Variants in ATP11A observed in about 807,000 individuals in gnomAD.
The protein encoded by ATP11A is ATPase phospholipid transporting 11A.
A neutral mutation model predicts 154.4 loss-of-function variants in ATP11A; 81 were observed. That is an observed-to-expected ratio of 0.52 (90% CI 0.44 to 0.63). The LOEUF (loss-of-function observed/expected upper bound fraction) is 0.63. Among genes scored for constraint, ATP11A ranks in the 30% least tolerant of loss-of-function variants. The pLI, the probability that ATP11A is intolerant of heterozygous loss-of-function variation, is 0.00. For missense variants in ATP11A, 1,316 were observed against 1,474.3 expected (o/e 0.89, Z 1.76); for synonymous variants, 623 against 585.9 (o/e 1.06, Z -0.91).
chr13:112,711,839 C>T (rs1346628862), intron 1 of ATP11A, among the ~76,000 whole-genome samples: 5 of 152,224 alleles, frequency 3.3e-5, no homozygotes, highest in Non-Finnish European at 5.9e-5. Context: ...CAAGGCTCCA[C>T]GCCCTCTCCC....
intron 1 of ATP11A, among the ~76,000 whole-genome samples, chr13:112,775,572 T>C (rs932705656): frequency 2.0e-5 from 3 of 152,258 alleles, no homozygotes; most frequent in African/African-American, 4.8e-5. Flanking sequence ...AAATGACTTA[T>C]ATAAAAATCT....
intron 1 of ATP11A, among the ~76,000 whole-genome samples, chr13:112,782,424 A>G (rs1471807445): frequency 6.6e-6 from 1 of 152,166 alleles, no homozygotes; most frequent in Non-Finnish European, 1.5e-5. Context: ...AGATATCTGT[A>G]TGCTTTTCTC....
At position 112,884,835 on chromosome 13, in the gene ATP11A, G is replaced by T. The variant is rs909746347; in HGVS notation, c.*2969G>T. The T allele has an allele frequency of 6.7e-6, 1 of 149,598 alleles. No individual in the cohort carries two copies. The highest frequency in any genetic ancestry group is 1.5e-5 in the Non-Finnish European group (1 of 67,412). 9.3% of individuals were successfully genotyped at this position (149,598 alleles called of 1,614,324 possible). A position where few individuals can be genotyped will look rare whatever the true frequency, so the allele number is the denominator to read the frequency against. The stretch of plus-strand genomic sequence containing the variant: ...CCCTGCCACAGACCGTCTCAGACAC[G>T]CACAGTGGGCCTGCTGCATGATTCA... On this transcript the variant is annotated 3_prime_UTR_variant, in exon 30 of 30. Transcript: ENST00000375645.
chr13:112,728,941 G>T (rs1338662393), intron 1 of ATP11A, among the ~76,000 whole-genome samples: 1 of 152,158 alleles, frequency 6.6e-6, no homozygotes, highest in Non-Finnish European at 1.5e-5. Context: ...AAACTCCACC[G>T]TGGCCCTGGT....
chr13:112,765,995 G>T (rs559014606), intron 1 of ATP11A, among the ~76,000 whole-genome samples: 1 of 152,246 alleles, frequency 6.6e-6, no homozygotes, highest in Non-Finnish European at 1.5e-5. Flanking sequence ...TTTAGTTCAC[G>T]AGTGTGGATT....
chr13:112,867,982 A>G (rs1458933770), intron 25 of ATP11A, among the ~76,000 whole-genome samples: 1 of 152,250 alleles, frequency 6.6e-6, no homozygotes. Context: ...ATATCTATAG[A>G]TCCTGTGTAG....
At chr13:112,792,473 T>C (rs1269127457) in intron 2 of ATP11A, among the ~76,000 whole-genome samples, 2 of 152,220 alleles carry the variant, frequency 1.3e-5, no homozygotes, top group Non-Finnish European at 2.9e-5. Context: ...TAAGACTTTT[T>C]AAGTGCCACA....
At chr13:112,835,230 T>TA (rs1221450257) in intron 15 of ATP11A, among the ~76,000 whole-genome samples, 2 of 152,222 alleles carry the variant, frequency 1.3e-5, no homozygotes, top group Non-Finnish European at 1.5e-5. Flanking sequence ...GTCCCTGAGA[T>TA]AAGTGACCCA....
chr13:112,768,799 G>A (rs1454148636), intron 1 of ATP11A, among the ~76,000 whole-genome samples: 2 of 152,170 alleles, frequency 1.3e-5, no homozygotes, highest in African/African-American at 4.8e-5. Context: ...TTTTCCGGTG[G>A]CTTGGGAAGA....
intron 1 of ATP11A, among the ~76,000 whole-genome samples, chr13:112,695,509 G>A (rs1292692324): frequency 1.3e-5 from 2 of 152,150 alleles, no homozygotes; most frequent in Non-Finnish European, 2.9e-5. Context: ...TTGAATATCT[G>A]CTTATTAGGA....
intron 1 of ATP11A, among the ~76,000 whole-genome samples, chr13:112,771,625 C>T (rs2077227522): frequency 6.6e-6 from 1 of 152,202 alleles, no homozygotes; most frequent in African/African-American, 2.4e-5. Context: ...ATAACCAGGT[C>T]CACATGCACT....
chr13:112,842,202 A>G, intron 16 of ATP11A, 74 bp from the exon 17 acceptor site: 1 of 1,237,530 alleles, frequency 8.1e-7, no homozygotes, highest in Non-Finnish European at 1.2e-6. Context: ...GTTTTTTAAT[A>G]ATGGCATAAT....
rs1008483181 is a variant in ATP11A at position 112,882,982 on chromosome 13, G to A, written c.*1116G>A. 21 of 399,216 alleles carry A rather than the reference G, an allele frequency of 5.3e-5. No homozygotes were observed. Among genetic ancestry groups the A allele is most frequent in the Non-Finnish European group, 8.4e-5 (19 of 226,572 alleles). The allele number at this position is 399,216 out of a possible 1,614,324, so 24.7% of individuals were successfully genotyped here. ...CGCCTCCCGCACTGCAGCTCCGCCC[G>A]CCGGGCTCTGCGTCCCCACGTCCCC... On this transcript the variant is annotated 3_prime_UTR_variant, in exon 30 of 30. Transcript: ENST00000375645. The surrounding 1 kb of genome is among the most constrained non-coding windows in gnomAD (Gnocchi z 5.1).
intron 1 of ATP11A, among the ~76,000 whole-genome samples, chr13:112,780,320 A>C (rs1259879584): frequency 6.6e-6 from 1 of 152,106 alleles, no homozygotes; most frequent in African/African-American, 2.4e-5. Flanking sequence ...CCGCCCTCCA[A>C]CCCAGAAGGT....
chr13:112,861,979 A>ATAAGGTGTCACGTCAGGCG (rs1462795166), intron 24 of ATP11A, among the ~76,000 whole-genome samples: 1 of 81,230 alleles, frequency 1.2e-5, no homozygotes, highest in African/African-American at 3.6e-5. Flanking sequence ...TTGAACAGGC[A>ATAAGGTGTCACGTCAGGCG]TAAGGTGTCA....
At chr13:112,788,574 C>T (rs942152094) in intron 2 of ATP11A, among the ~76,000 whole-genome samples, 4 of 150,836 alleles carry the variant, frequency 2.7e-5, no homozygotes, top group Admixed American at 6.6e-5. Flanking sequence ...TTAATTCACA[C>T]CTGTGTCCTG....
rs1348962272 is a variant in ATP11A, at chr13:112,873,696, C to T, written c.3161+20C>T. 6.4e-7 allele frequency: 1 copy of T among 1,570,574 alleles called. No homozygotes were observed. Among genetic ancestry groups the T allele is most frequent in the Non-Finnish European group, 8.8e-7 (1 of 1,141,096 alleles). ...GATCTGGTAAATATCTGATAAGTAG[C>T]TGATAATCTGATAAATATCATGTGG... is the stretch of plus-strand genomic sequence containing the variant. On this transcript the variant is annotated intron_variant, in intron 27 of 29. Coordinates refer to ENST00000375645, the MANE Select transcript of ATP11A (RefSeq NM_015205.3).
chr13:112,769,111 G>C (rs2077166307), intron 1 of ATP11A, among the ~76,000 whole-genome samples: 1 of 152,160 alleles, frequency 6.6e-6, no homozygotes, highest in Non-Finnish European at 1.5e-5. Flanking sequence ...AGCAATGACA[G>C]GGCCCCATGG....
rs2080607515 is a variant in ATP11A, at chr13:112,873,430, T to G, written c.3058-143T>G. The G allele has an allele frequency of 1.2e-5, 7 of 600,012 alleles. No individual in the cohort carries two copies. In the South Asian group the frequency reaches 1.5e-4, roughly 13 times the overall value. 37.2% of individuals were successfully genotyped at this position (600,012 alleles called of 1,614,324 possible). A position where few individuals can be genotyped will look rare whatever the true frequency, so the allele number is the denominator to read the frequency against. On this transcript the variant is annotated intron_variant, in intron 26 of 29. Coordinates refer to ENST00000375645, the MANE Select transcript of ATP11A (RefSeq NM_015205.3). ...GGTGTGGCTTTGTCTTCCTGAGCCG[T>G]GTTTTGCAGGCATTGAGTCGTCATT...
Sources: gnomAD v4.1 joint callset for allele counts (sites outside exome capture counted in the v4.1 genomes callset) on GRCh38, gnomAD v4.1.1 for gene constraint, Gnocchi (gnomAD v3.1) non-coding constraint, MANE v1.5 for transcripts, NCBI Gene and HGNC (gene_info 2026-07-23, HGNC 2026-07-21) for gene names.